Variants in PLPP3 observed in about 807,000 individuals in gnomAD.
PLPP3 encodes the protein PAP2 beta.
A neutral mutation model predicts 29.6 loss-of-function variants in PLPP3; 6 were observed. That is an observed-to-expected ratio of 0.20 (90% CI 0.11 to 0.40). The LOEUF (loss-of-function observed/expected upper bound fraction) is 0.40. Among genes scored for constraint, PLPP3 ranks in the 10% least tolerant of loss-of-function variants. The probability of loss-of-function intolerance (pLI) is 1.00; values close to 1 mark genes in which losing one functional copy is unlikely to be tolerated. For synonymous variants in PLPP3, 152 were observed against 159.7 expected (o/e 0.95, Z 0.36); for missense variants, 308 against 407.7 (o/e 0.76, Z 2.11).
chr1:56,578,415 A>ATG (rs1488739640), intron 1 of PLPP3, among the ~76,000 whole-genome samples: 1 of 152,084 alleles, frequency 6.6e-6, no homozygotes, highest in African/African-American at 2.4e-5. Flanking sequence ...GAAGGGCTGG[A>ATG]TGTTTACATA....
chr1:56,552,299 C>A (rs1371017302), intron 1 of PLPP3, among the ~76,000 whole-genome samples: 1 of 151,692 alleles, frequency 6.6e-6, no homozygotes, highest in African/African-American at 2.4e-5. Context: ...TCTACGTGAC[C>A]CGAATTTCAG....
chr1:56,573,026 G>T (rs2100311484), intron 1 of PLPP3, among the ~76,000 whole-genome samples: 1 of 152,230 alleles, frequency 6.6e-6, no homozygotes, highest in Middle Eastern at 3.4e-3. Flanking sequence ...AGCTTGTATT[G>T]TTTCTACACT....
At position 56,496,286 on chromosome 1, in the gene PLPP3, A is replaced by G. The variant is rs1645630565; in HGVS notation, c.*265T>C. On this transcript the variant is annotated 3_prime_UTR_variant, in exon 6 of 6. Coordinates refer to ENST00000371250, the MANE Select transcript of PLPP3 (RefSeq NM_003713.5). ...AAATCGTTTTAGTGTTTGTTCCTGA[A>G]CAAGCTGTGTTCACTAGAACATGAA... 3.3e-6 allele frequency: 1 copy of G among 300,688 alleles called. No individual in the cohort carries two copies. Among genetic ancestry groups the G allele is most frequent in the Non-Finnish European group, 6.4e-6 (1 of 157,432 alleles). The allele number at this position is 300,688 out of a possible 1,614,324, so 18.6% of individuals were successfully genotyped here.
At chr1:56,538,419 G>A (rs1267578515) in intron 1 of PLPP3, 2 of 378,994 alleles carry the variant, frequency 5.3e-6, no homozygotes, top group Middle Eastern at 8.5e-4. Flanking sequence ...TGGCCTTTCA[G>A]CTGGAACTGC....
In PLPP3 at chr1:56,512,050, C is replaced by T. The variant is rs778468459; in HGVS notation, c.736G>A (p.Val246Ile). The T allele has an allele frequency of 2.5e-5, 40 of 1,613,554 alleles. No homozygotes were observed. The highest frequency in any genetic ancestry group is 1.7e-4 in the Middle Eastern group (1 of 6,060). ...MMAFYTGLSR[V>I]SDHKHHPSDV... The stretch of plus-strand genomic sequence containing the variant: ...CTGGGATGGTGCTTGTGGTCTGATA[C>T]GCGAGACAGTCCCGTGTAGAAGGCC... The change falls in exon 5 of 6, where the codon GTA (valine) becomes ATA (isoleucine). Residue 246 changes from valine (V) to isoleucine (I), a missense_variant. By Grantham distance (29) the Val-to-Ile change is conservative (BLOSUM62 3). This residue lies in a region of PLPP3 where 232 missense variants were observed against 317.2 expected (regional missense o/e 0.73). Coordinates refer to ENST00000371250, the MANE Select transcript of PLPP3 (RefSeq NM_003713.5).
chr1:56,517,363 G>T (rs920261664), intron 4 of PLPP3, among the ~76,000 whole-genome samples: 2 of 152,206 alleles, frequency 1.3e-5, no homozygotes, highest in African/African-American at 4.8e-5. Context: ...CAGGACAAAA[G>T]AATTTTCGAT....
chr1:56,550,389 T>C (rs938346969), intron 1 of PLPP3, among the ~76,000 whole-genome samples: 2 of 152,182 alleles, frequency 1.3e-5, no homozygotes, highest in Non-Finnish European at 2.9e-5. Context: ...ATTTTTCAGC[T>C]GTTGAGAGAA....
chr1:56,562,741 A>G (rs2404719), intron 1 of PLPP3, among the ~76,000 whole-genome samples: 1 of 152,154 alleles, frequency 6.6e-6, no homozygotes, highest in Non-Finnish European at 1.5e-5. Context: ...TCTTAGACTC[A>G]ATATTTTTAA....
intron 1 of PLPP3, among the ~76,000 whole-genome samples, chr1:56,559,256 A>G (rs1444601314): frequency 6.6e-6 from 1 of 152,224 alleles, no homozygotes; most frequent in Non-Finnish European, 1.5e-5. Context: ...TGCTTCCAGG[A>G]AGCAAGGAGA....
At chr1:56,501,055 G>C (rs939256224) in intron 5 of PLPP3, among the ~76,000 whole-genome samples, 2 of 148,562 alleles carry the variant, frequency 1.3e-5, no homozygotes, top group Admixed American at 6.8e-5. Context: ...AACTAAAATG[G>C]AGACGGAGTC....
intron 5 of PLPP3, 126 bp downstream of exon 5, chr1:56,511,850 T>A (rs989896878): frequency 1.8e-6 from 2 of 1,141,840 alleles, no homozygotes; most frequent in African/African-American, 3.1e-5. Context: ...TAAGGCCAGG[T>A]GACTCTTCAG....
At chr1:56,563,884 C>T (rs1184980883) in intron 1 of PLPP3, among the ~76,000 whole-genome samples, 1 of 152,186 alleles carries the variant, frequency 6.6e-6, no homozygotes, top group Non-Finnish European at 1.5e-5. Flanking sequence ...CCTCTCTCTT[C>T]CAGTGTAAAG....
chr1:56,534,476 C>T (rs562868997), intron 2 of PLPP3, among the ~76,000 whole-genome samples: 1 of 152,226 alleles, frequency 6.6e-6, no homozygotes, highest in South Asian at 2.1e-4. Flanking sequence ...CAGTCAAGGC[C>T]TCTCTTGCTG....
chr1:56,571,046 A>G (rs557238142), intron 1 of PLPP3, among the ~76,000 whole-genome samples: 2 of 152,354 alleles, frequency 1.3e-5, no homozygotes, highest in African/African-American at 4.8e-5. Context: ...CGCACGCAAG[A>G]GAGAAAGCTC....
At chr1:56,574,405 C>T (rs1030919198) in intron 1 of PLPP3, among the ~76,000 whole-genome samples, 5 of 151,976 alleles carry the variant, frequency 3.3e-5, no homozygotes, top group African/African-American at 1.2e-4. Context: ...CAGGCTTGCA[C>T]CACCACGCCC....
In PLPP3 at chr1:56,577,263, C is replaced by T. The variant is rs191438705; in HGVS notation, c.139+1615G>A. ...TACAAGACTTTAAGTAGTAATCTGTCCCACTGTGCATGATAATGAGCCAGC... is the reference window on the plus strand; with the variant it reads ...TACAAGACTTTAAGTAGTAATCTGTTCCACTGTGCATGATAATGAGCCAGC... On this transcript the variant is annotated intron_variant, in intron 1 of 5. Transcript: ENST00000371250. 7.9e-5 allele frequency among the ~76,000 whole-genome samples: 12 copies of T among 152,278 alleles called. No homozygotes were observed. In the East Asian group the frequency reaches 2.1e-3, roughly 27 times the overall value.
chr1:56,569,139 T>G (rs1468271047), intron 1 of PLPP3, among the ~76,000 whole-genome samples: 2 of 152,090 alleles, frequency 1.3e-5, no homozygotes, highest in African/African-American at 4.8e-5. Flanking sequence ...ATAAAACTAT[T>G]GTATTTTTCT....
chr1:56,541,672 G>T (rs1645970431), intron 1 of PLPP3, among the ~76,000 whole-genome samples: 1 of 152,174 alleles, frequency 6.6e-6, no homozygotes, highest in African/African-American at 2.4e-5. Context: ...GGTTTCAAAT[G>T]ATCTGACTCT....
intron 1 of PLPP3, among the ~76,000 whole-genome samples, chr1:56,554,571 CA>C (rs1377385549): frequency 0.14 from 13,061 of 93,528 alleles, 617 homozygotes; most frequent in Middle Eastern, 0.22. Flanking sequence ...GACTCCATCT[CA>C]AAAAAAAAAA....
Sources: allele counts gnomAD v4.1 joint callset (sites outside exome capture counted in the v4.1 genomes callset), GRCh38; gene constraint gnomAD v4.1.1; regional missense constraint gnomAD v4.1.1; transcripts MANE v1.5; gene names NCBI Gene and HGNC (gene_info 2026-07-23, HGNC 2026-07-21).